The following DCLK1 variants were observed in gnomAD, a reference collection of about 807,000 sequenced individuals.
The protein encoded by DCLK1 is serine/threonine-protein kinase DCLK1.
A neutral mutation model predicts 86.2 loss-of-function variants in DCLK1; 16 were observed. The observed-to-expected ratio is 0.19, with a 90% CI of 0.13 to 0.28. The LOEUF (loss-of-function observed/expected upper bound fraction) is 0.28. Ranked by LOEUF, DCLK1 falls within the 10% of genes least tolerant of loss-of-function variation. The pLI is 1.00. For synonymous variants in DCLK1, 369 were observed against 370.5 expected (o/e 1.00, Z 0.05); for missense variants, 590 against 940.2 (o/e 0.63, Z 4.87).
At chr13:35,897,844 TG>T (rs1874096562) in intron 4 of DCLK1, among the ~76,000 whole-genome samples, 1 of 152,206 alleles carries the variant, frequency 6.6e-6, no homozygotes, top group Admixed American at 6.5e-5. Flanking sequence ...CTGATAAAAC[TG>T]TACTTGATAG....
chr13:35,893,473 C>A (rs1431831493), intron 4 of DCLK1, among the ~76,000 whole-genome samples: 3 of 152,294 alleles, frequency 2.0e-5, no homozygotes, highest in Non-Finnish European at 2.9e-5. Context: ...GGTTGAGCAT[C>A]CCTGACCTGA....
rs541897101 is a variant in DCLK1 at position 35,849,911 on chromosome 13, T to C, written c.1035+4588A>G. Reference sequence around the variant, plus strand: ...CTTTAGTTTTTACACATTTAAAAAATTATGTATATGATTGTAAGAAAAAAT... The same window carrying C: ...CTTTAGTTTTTACACATTTAAAAAACTATGTATATGATTGTAAGAAAAAAT... On this transcript the variant is annotated intron_variant, in intron 6 of 16. Coordinates refer to ENST00000360631, the MANE Select transcript of DCLK1 (RefSeq NM_001330071.2). 215 of 959,996 alleles carry C rather than the reference T, an allele frequency of 2.2e-4. 1 individual carries two copies. In the South Asian group the frequency reaches 6.0e-3, roughly 27 times the overall value. The allele number at this position is 959,996 out of a possible 1,614,324, so 59.5% of individuals were successfully genotyped here.
intron 4 of DCLK1, among the ~76,000 whole-genome samples, chr13:35,875,617 T>C (rs1212064050): frequency 6.6e-6 from 1 of 152,194 alleles, no homozygotes; most frequent in East Asian, 1.9e-4. Context: ...GAAAAACTTG[T>C]GGCCTCTTAT....
chr13:35,943,569 T>C (rs1802800820), intron 4 of DCLK1, among the ~76,000 whole-genome samples: 1 of 152,136 alleles, frequency 6.6e-6, no homozygotes, highest in Non-Finnish European at 1.5e-5. Flanking sequence ...GACAGGTATC[T>C]GGACTCCCGA....
At chr13:35,978,323 A>G (rs189333526) in intron 3 of DCLK1, among the ~76,000 whole-genome samples, 6 of 146,230 alleles carry the variant, frequency 4.1e-5, no homozygotes, top group Non-Finnish European at 8.9e-5. Flanking sequence ...CTCCTGCCTC[A>G]GCCTCCCAAG....
At chr13:36,069,646 C>T (rs549527956) in intron 3 of DCLK1, among the ~76,000 whole-genome samples, 35 of 152,238 alleles carry the variant, frequency 2.3e-4, no homozygotes, top group African/African-American at 7.9e-4. Flanking sequence ...TTCCCAGAGC[C>T]GCCACCTCTT....
At chr13:36,104,826 T>C (rs1356036531) in intron 3 of DCLK1, among the ~76,000 whole-genome samples, 2 of 152,136 alleles carry the variant, frequency 1.3e-5, no homozygotes, top group African/African-American at 4.8e-5. Flanking sequence ...ATACAGTTGT[T>C]AGTAGTTCAG....
chr13:35,950,152 C>T lies in DCLK1; in HGVS notation c.724-2695G>A, dbSNP rs148912401. On this transcript the variant is annotated intron_variant, in intron 3 of 16. Transcript: ENST00000360631. ...AAAGGTAGGTATGGTCAGTAGATCA[C>T]ATTCAACTTTATAAAACCGCTCCTT... 1.8e-4 allele frequency among the ~76,000 whole-genome samples: 28 copies of T among 152,306 alleles called. No homozygotes were observed. The East Asian group carries it at 5.2e-3, about 28-fold the overall frequency.
At chr13:35,868,270 C>T (rs1279684211) in intron 5 of DCLK1, among the ~76,000 whole-genome samples, 1 of 152,154 alleles carries the variant, frequency 6.6e-6, no homozygotes, top group East Asian at 1.9e-4. Flanking sequence ...ATCCGCCTGC[C>T]TCAGCCTCCC....
At chr13:36,006,900 A>G (rs952006052) in intron 3 of DCLK1, among the ~76,000 whole-genome samples, 1 of 152,194 alleles carries the variant, frequency 6.6e-6, no homozygotes, top group Admixed American at 6.5e-5. Flanking sequence ...TATTTGGAAG[A>G]CCGTCTTGAT....
intron 4 of DCLK1, among the ~76,000 whole-genome samples, chr13:35,937,925 T>C (rs1876853527): frequency 6.6e-6 from 1 of 152,034 alleles, no homozygotes; most frequent in Non-Finnish European, 1.5e-5. Flanking sequence ...TCTTTTAGGA[T>C]AGGAGGAACC....
chr13:36,017,937 T>A (rs1379111693), intron 3 of DCLK1, among the ~76,000 whole-genome samples: 1 of 152,148 alleles, frequency 6.6e-6, no homozygotes, highest in African/African-American at 2.4e-5. Context: ...GGCGAGAAGA[T>A]TCAGTTTCCC....
At chr13:35,900,870 A>G (rs1874313172) in intron 4 of DCLK1, among the ~76,000 whole-genome samples, 1 of 152,218 alleles carries the variant, frequency 6.6e-6, no homozygotes, top group Non-Finnish European at 1.5e-5. Context: ...GCATGGAGTC[A>G]TAACTGAAGG....
At chr13:36,095,153 CTCTCTA>C (rs1460155679) in intron 3 of DCLK1, among the ~76,000 whole-genome samples, 1 of 140,768 alleles carries the variant, frequency 7.1e-6, no homozygotes, top group African/African-American at 2.9e-5. Context: ...CCTCTGATAT[CTCTCTA>C]TCTCTCTCTC....
intron 16 of DCLK1, among the ~76,000 whole-genome samples, chr13:35,779,145 T>C (rs1297341184): frequency 6.6e-6 from 1 of 152,054 alleles, no homozygotes; most frequent in African/African-American, 2.4e-5. Flanking sequence ...CTGGCTAATT[T>C]TTGTATTTTC....
chr13:36,076,328 T>C (rs1189114249), intron 3 of DCLK1, among the ~76,000 whole-genome samples: 3 of 152,172 alleles, frequency 2.0e-5, no homozygotes, highest in African/African-American at 4.8e-5. Flanking sequence ...TTCACAATTA[T>C]CATGGATTTT....
chr13:35,794,931 T>C (rs1261631021), intron 15 of DCLK1, among the ~76,000 whole-genome samples: 1 of 152,196 alleles, frequency 6.6e-6, no homozygotes, highest in Admixed American at 6.5e-5. Flanking sequence ...ATGTTAGGAA[T>C]AGCAGAGTGT....
intron 11 of DCLK1, among the ~76,000 whole-genome samples, chr13:35,813,011 C>A (rs1256701172): frequency 1.3e-5 from 2 of 152,192 alleles, no homozygotes; most frequent in Non-Finnish European, 2.9e-5. Context: ...CAAAAGAAAA[C>A]CCTAAGTTGT....
chr13:36,022,756 G>C (rs1881838818), intron 3 of DCLK1, among the ~76,000 whole-genome samples: 1 of 151,978 alleles, frequency 6.6e-6, no homozygotes. Flanking sequence ...GAATAAGTTA[G>C]TAATCAAAAA....
Sources: gnomAD v4.1 joint callset for allele counts (sites outside exome capture counted in the v4.1 genomes callset) on GRCh38, gnomAD v4.1.1 for gene constraint, MANE v1.5 for transcripts, NCBI Gene and HGNC (gene_info 2026-07-23, HGNC 2026-07-21) for gene names.